The following PUF60 variants were observed in gnomAD, a reference collection of about 807,000 sequenced individuals.
PUF60 encodes the protein poly(U)-binding-splicing factor PUF60.
PUF60 carries 10 observed loss-of-function variants against 61.8 expected under a neutral mutation model. The ratio of observed to expected loss-of-function variants is 0.16; its 90% CI spans 0.10 to 0.27. PUF60 has a LOEUF of 0.27. PUF60 is among the 10% of genes least tolerant of loss of function. PUF60 has a pLI of 1.00. For missense variants in PUF60, 371 were observed against 754.0 expected, an observed-to-expected ratio of 0.49 and a Z score of 5.95; for synonymous variants, 353 against 300.9, an observed-to-expected ratio of 1.17 and a Z score of -1.79.
In PUF60 at chr8:143,818,140, G is replaced by A; in HGVS notation, c.603+53C>T. 1.9e-6 allele frequency: 3 copies of A among 1,600,724 alleles called. No individual in the cohort carries two copies. The highest frequency in any genetic ancestry group is 2.6e-6 in the Non-Finnish European group (3 of 1,173,898). On this transcript the variant is annotated intron_variant, in intron 7 of 11. Transcript: ENST00000526683. The surrounding 1 kb of genome is among the most constrained non-coding windows in gnomAD (Gnocchi z 7.9). ...AGGCCCGGCCACAAAAGGCTTCCGT[G>A]GAGGGGCAGCCCTGCACGCCTGCGG... is the stretch of plus-strand genomic sequence containing the variant.
chr8:143,818,428 A>T lies in PUF60; in HGVS notation c.455T>A (p.Phe152Tyr), dbSNP rs1816625400. ...EDTIRQAFAP[F>Y]GPIKSIDMSW... Reference sequence around the variant, plus strand: ...CATGTCGATGCTCTTGATGGGGCCAAAGGGGGCAAAGGCCTGGCGGATGGT... The same window carrying T: ...CATGTCGATGCTCTTGATGGGGCCATAGGGGGCAAAGGCCTGGCGGATGGT... Residue 152 changes from phenylalanine (F) to tyrosine (Y), a missense_variant, in exon 6 of 12, where the codon TTT becomes TAT. By Grantham distance (22) the Phe-to-Tyr change is conservative (BLOSUM62 3). Coordinates refer to ENST00000526683, the MANE Select transcript of PUF60 (RefSeq NM_078480.3). The surrounding 1 kb of genome is among the most constrained non-coding windows in gnomAD (Gnocchi z 7.9). 1 of 1,612,330 alleles carries T rather than the reference A, an allele frequency of 6.2e-7. No individual in the cohort carries two copies. The highest frequency in any genetic ancestry group is 1.3e-5 in the African/African-American group (1 of 74,926).
rs1037934422 is a variant in PUF60, at chr8:143,823,822, G to A, written c.111+491C>T. Among the ~76,000 whole-genome samples the A allele has an allele frequency of 4.5e-4, 69 of 152,330 alleles. 1 individual carries two copies. The highest frequency in any genetic ancestry group is 3.7e-3 in the Admixed American group (56 of 15,302). ...TGCACCCACTCTGGAGCCTGGGGCC[G>A]AAAAAAGATGGGGAGGGCTGAGTCC... is the stretch of plus-strand genomic sequence containing the variant. On this transcript the variant is annotated intron_variant, in intron 2 of 11. Transcript: ENST00000526683.
At position 143,822,426 on chromosome 8, in the gene PUF60, A is replaced by T. The variant is rs1169404383; in HGVS notation, c.112-513T>A. ...TTCAAGGGGCCCACCCAAGGAGCTA[A>T]TACAAGGGCCTCTCTCCCAACAGTG... On this transcript the variant is annotated intron_variant, in intron 2 of 11. Transcript: ENST00000526683. 5.1e-5 allele frequency: 23 copies of T among 451,434 alleles called. 1 individual carries two copies. Among genetic ancestry groups the T allele is most frequent in the South Asian group, 3.6e-4 (23 of 64,288 alleles). 28.0% of individuals were successfully genotyped at this position (451,434 alleles called of 1,614,324 possible).
At position 143,818,634 on chromosome 8, in the gene PUF60, G is replaced by A; in HGVS notation, c.349-100C>T. 7.7e-7 allele frequency: 1 copy of A among 1,305,316 alleles called. No individual in the cohort carries two copies. The highest frequency in any genetic ancestry group is 1.0e-6 in the Non-Finnish European group (1 of 968,686). The allele number at this position is 1,305,316 out of a possible 1,614,324, so 80.9% of individuals were successfully genotyped here. On this transcript the variant is annotated intron_variant, in intron 5 of 11. Coordinates refer to ENST00000526683, the MANE Select transcript of PUF60 (RefSeq NM_078480.3). The surrounding 1 kb of genome is among the most constrained non-coding windows in gnomAD (Gnocchi z 7.9). ...TGGCCCACCCACCCAGCCCTGCTGT[G>A]GGGAGGGCTCCCCACATGACAGGGA...
chr8:143,823,551 A>G (rs568026306), intron 2 of PUF60, among the ~76,000 whole-genome samples: 55 of 152,312 alleles, frequency 3.6e-4, no homozygotes, highest in Non-Finnish European at 1.8e-4. Flanking sequence ...CAGCCCCCAC[A>G]TCTCCCAGGA....
At chr8:143,825,807 G>A (rs969988846) in intron 1 of PUF60, among the ~76,000 whole-genome samples, 6 of 152,202 alleles carry the variant, frequency 3.9e-5, no homozygotes, top group Middle Eastern at 3.2e-3. Context: ...ATCACTTCAC[G>A]ACCAGTCTCC....
At chr8:143,822,166 T>A (rs926779783) in intron 2 of PUF60, among the ~76,000 whole-genome samples, 1 of 151,906 alleles carries the variant, frequency 6.6e-6, no homozygotes, top group African/African-American at 2.4e-5. Flanking sequence ...CACAGTGGCC[T>A]CCTCGGGAAC....
chr8:143,821,319 C>T, intron 4 of PUF60: 1 of 575,002 alleles, frequency 1.7e-6, no homozygotes, highest in South Asian at 2.1e-5. Flanking sequence ...CCAGAGGCCA[C>T]AGTGTGAAGA....
rs976326643 is a variant in PUF60, at chr8:143,817,063, C to T, written c.1227G>A (p.Thr409=). ...CCTTCTTGGGCTCCAGGAGACCCAG[C>T]GTTGGAGGGCTGGCCAGGATGGGGT... is the stretch of plus-strand genomic sequence containing the variant. ...VVNPILASPP[T]LGLLEPKKEK... The change falls in exon 11 of 12, where the codon ACG becomes ACA. Residue 409 remains threonine, a synonymous_variant. Coordinates refer to ENST00000526683, the MANE Select transcript of PUF60 (RefSeq NM_078480.3). This position sits in a 1 kb window ranked among gnomAD's most constrained non-coding sequence, Gnocchi z 7.4. The T allele has an allele frequency of 5.0e-6, 8 of 1,611,496 alleles. No individual in the cohort carries two copies. Among genetic ancestry groups the T allele is most frequent in the Non-Finnish European group, 6.8e-6 (8 of 1,179,234 alleles).
intron 4 of PUF60, 154 bp downstream of exon 4, chr8:143,821,443 G>A: frequency 1.4e-6 from 1 of 723,128 alleles, no homozygotes. Context: ...GTGCCTCAGA[G>A]AGGACCCCGG....
At chr8:143,819,618 A>G (rs537835323) in intron 5 of PUF60, among the ~76,000 whole-genome samples, 42 of 152,102 alleles carry the variant, frequency 2.8e-4, no homozygotes, top group Non-Finnish European at 5.1e-4. Flanking sequence ...CCAAGGTGAG[A>G]TATCTTCCTT....
At chr8:143,828,806 C>T (rs944727178) in intron 1 of PUF60, among the ~76,000 whole-genome samples, 1 of 152,186 alleles carries the variant, frequency 6.6e-6, no homozygotes, top group East Asian at 1.9e-4. Context: ...CAGCTGCAGG[C>T]GTAGTGAGCC....
Position 143,818,184 on chromosome 8 carries a change from C to T in PUF60, c.603+9G>A. On this transcript the variant is annotated intron_variant, in intron 7 of 11. Transcript: ENST00000526683. This position sits in a 1 kb window ranked among gnomAD's most constrained non-coding sequence, Gnocchi z 7.9. ...CCTGCGGGATCGAGGCCTTGGCTCC[C>T]TGCCTCACCTTGATGTTCCTGCCCC... is the stretch of plus-strand genomic sequence containing the variant. The T allele has an allele frequency of 6.2e-7, 1 of 1,608,780 alleles. No individual in the cohort carries two copies. The highest frequency in any genetic ancestry group is 1.3e-5 in the African/African-American group (1 of 74,866).
At chr8:143,826,261 AAAG>A (rs1817623466) in intron 1 of PUF60, among the ~76,000 whole-genome samples, 1 of 152,224 alleles carries the variant, frequency 6.6e-6, no homozygotes, top group Non-Finnish European at 1.5e-5. Context: ...AGCCCAGAGC[AAAG>A]AAGAGTATTT....
chr8:143,820,348 A>G (rs1816873909), intron 5 of PUF60: 1 of 435,792 alleles, frequency 2.3e-6, no homozygotes, highest in South Asian at 2.6e-5. Flanking sequence ...CCGTGGGCAC[A>G]CCCCGTGCGT....
At chr8:143,821,515 G>A in intron 4 of PUF60, 82 bp downstream of exon 4, 2 of 1,270,974 alleles carry the variant, frequency 1.6e-6, no homozygotes, top group Non-Finnish European at 2.2e-6. Context: ...GACGGCCGCA[G>A]GCCCAGGAGG....
chr8:143,818,785 G>A lies in PUF60; in HGVS notation c.349-251C>T, dbSNP rs1272351736. 1.8e-5 allele frequency: 10 copies of A among 542,140 alleles called. No homozygotes were observed. In the South Asian group the frequency reaches 1.9e-4, roughly 10 times the overall value. 33.6% of individuals were successfully genotyped at this position (542,140 alleles called of 1,614,324 possible). On this transcript the variant is annotated intron_variant, in intron 5 of 11. Transcript: ENST00000526683. The surrounding 1 kb of genome is among the most constrained non-coding windows in gnomAD (Gnocchi z 7.9). ...CCCGCCAAGGTCCCAGGCAGACTGCGGCAGCAAAGCCGACAGATGGTCAGG... is the reference window on the plus strand; with the variant it reads ...CCCGCCAAGGTCCCAGGCAGACTGCAGCAGCAAAGCCGACAGATGGTCAGG...
At chr8:143,821,503 G>C (rs1817015730) in intron 4 of PUF60, 94 bp downstream of exon 4, 1 of 1,169,442 alleles carries the variant, frequency 8.6e-7, no homozygotes, top group African/African-American at 1.5e-5. Context: ...ACAGCTTGCG[G>C]GGACGGCCGC....
chr8:143,827,661 G>C (rs981441053), intron 1 of PUF60: 6 of 335,384 alleles, frequency 1.8e-5, no homozygotes, highest in Non-Finnish European at 3.5e-5. Flanking sequence ...TAGACCACAG[G>C]CTACAGCTCA....
Sources: allele counts gnomAD v4.1 joint callset (sites outside exome capture counted in the v4.1 genomes callset), GRCh38; gene constraint gnomAD v4.1.1; non-coding constraint Gnocchi (gnomAD v3.1); transcripts MANE v1.5; gene names NCBI Gene and HGNC (gene_info 2026-07-23, HGNC 2026-07-21).